TENM3: variants seen among roughly 807,000 people sequenced by gnomAD.
TENM3 encodes the protein teneurin-3.
TENM3 carries 63 observed loss-of-function variants against 255.1 expected under a neutral mutation model. That is an observed-to-expected ratio of 0.25 (90% CI 0.20 to 0.30). The LOEUF is 0.30. TENM3 is among the 10% of genes least tolerant of loss of function. TENM3 has a pLI of 1.00. For missense variants in TENM3, 2,929 were observed against 3,461.1 expected, an observed-to-expected ratio of 0.85 and a Z score of 3.86; for synonymous variants, 1,306 against 1,322.3, an observed-to-expected ratio of 0.99 and a Z score of 0.27.
At chr4:182,405,372 T>G (rs982742278) in intron 3 of TENM3, among the ~76,000 whole-genome samples, 1 of 152,182 alleles carries the variant, frequency 6.6e-6, no homozygotes, top group African/African-American at 2.4e-5. Context: ...CACTTTTCCT[T>G]TGTATACTGA....
chr4:182,249,631 C>T (rs972534316), intron 1 of TENM3, among the ~76,000 whole-genome samples: 10 of 152,268 alleles, frequency 6.6e-5, no homozygotes, highest in African/African-American at 2.4e-4. Flanking sequence ...CGTCCCCCCA[C>T]AGTGAGGGCA....
chr4:181,913,915 C>T, the TENM3 span, among the ~76,000 whole-genome samples: 2 of 152,192 alleles, frequency 1.3e-5, no homozygotes, highest in African/African-American at 4.8e-5. Context: ...GCTATTCACA[C>T]TTGAGCTTAG....
chr4:181,700,778 TAAA>T, the TENM3 span, among the ~76,000 whole-genome samples: 1 of 152,082 alleles, frequency 6.6e-6, no homozygotes, highest in Non-Finnish European at 1.5e-5. Flanking sequence ...CACAGGGGAA[TAAA>T]GAAGAAAGGT....
At chr4:181,465,977 A>G in the TENM3 span, among the ~76,000 whole-genome samples, 1 of 151,956 alleles carries the variant, frequency 6.6e-6, no homozygotes. Flanking sequence ...TTGACTCCAC[A>G]CTTTACCTTC....
intron 24 of TENM3, among the ~76,000 whole-genome samples, chr4:182,784,740 G>A (rs1321439045): frequency 5.9e-5 from 9 of 151,910 alleles, no homozygotes; most frequent in Non-Finnish European, 7.4e-5. Context: ...AGCCAGGTGC[G>A]GGATATAATC....
the TENM3 span, among the ~76,000 whole-genome samples, chr4:181,942,660 C>T: frequency 2.6e-5 from 4 of 152,028 alleles, no homozygotes; most frequent in Non-Finnish European, 2.9e-5. Flanking sequence ...AACACTACCC[C>T]GGGGATAAAA....
chr4:182,799,934 G>C lies in TENM3; in HGVS notation c.7683G>C (p.Thr2561=). ...KTTTPESDLG[T]LRLTSGRKAL... ...CCACGCCCGAGAGCGACCTGGGCAC[G>C]CTGCGGTTGACCAGCGGCCGCAAGG... The change falls in exon 28 of 28, where the codon ACG becomes ACC. Residue 2561 remains threonine, a synonymous_variant. Coordinates refer to ENST00000511685, the MANE Select transcript of TENM3 (RefSeq NM_001080477.4). This position sits in a 1 kb window ranked among gnomAD's most constrained non-coding sequence, Gnocchi z 4.2. The C allele has an allele frequency of 6.3e-7, 1 of 1,598,502 alleles. No individual in the cohort carries two copies. The highest frequency in any genetic ancestry group is 8.5e-7 in the Non-Finnish European group (1 of 1,172,956).
the TENM3 span, among the ~76,000 whole-genome samples, chr4:181,770,334 A>C: frequency 6.6e-6 from 1 of 152,188 alleles, no homozygotes; most frequent in Non-Finnish European, 1.5e-5. Context: ...GATGCAATTT[A>C]TTGTGGTAAG....
the TENM3 span, among the ~76,000 whole-genome samples, chr4:181,941,671 C>T: frequency 3.9e-5 from 6 of 152,064 alleles, no homozygotes; most frequent in African/African-American, 1.4e-4. Flanking sequence ...CTGATCACTC[C>T]CTCTCACTTG....
the TENM3 span, among the ~76,000 whole-genome samples, chr4:181,882,188 C>T: frequency 6.6e-6 from 1 of 152,126 alleles, no homozygotes; most frequent in Admixed American, 6.5e-5. Flanking sequence ...ATGAGGAAAA[C>T]CCTTTGTAGA....
chr4:181,646,558 A>G, the TENM3 span, among the ~76,000 whole-genome samples: 1 of 152,298 alleles, frequency 6.6e-6, no homozygotes, highest in Admixed American at 6.5e-5. Flanking sequence ...GAGAGAATTC[A>G]TATTTCTTGA....
the TENM3 span, among the ~76,000 whole-genome samples, chr4:182,138,456 C>T: frequency 2.4e-4 from 37 of 152,154 alleles, no homozygotes; most frequent in Middle Eastern, 3.2e-3. Flanking sequence ...ACAGGCTCTG[C>T]GCTTCAGTTG....
At chr4:182,768,634 G>C (rs893036757) in intron 22 of TENM3, among the ~76,000 whole-genome samples, 5 of 152,180 alleles carry the variant, frequency 3.3e-5, no homozygotes, top group Non-Finnish European at 2.9e-5. Context: ...ATTCTCAGCT[G>C]AGAATGACTG....
chr4:182,386,106 T>C (rs893320632), intron 3 of TENM3, among the ~76,000 whole-genome samples: 5 of 152,238 alleles, frequency 3.3e-5, no homozygotes, highest in African/African-American at 1.2e-4. Context: ...TGATCACAAG[T>C]TTCTATTTGG....
chr4:181,839,459 T>C, the TENM3 span, among the ~76,000 whole-genome samples: 1 of 146,276 alleles, frequency 6.8e-6, no homozygotes, highest in African/African-American at 2.5e-5. Flanking sequence ...GATATATATA[T>C]CTATATATAT....
chr4:181,711,682 A>C, the TENM3 span, among the ~76,000 whole-genome samples: 1 of 152,198 alleles, frequency 6.6e-6, no homozygotes, highest in African/African-American at 2.4e-5. Context: ...TCTTGCTCTC[A>C]TTAAGCTCAG....
intron 4 of TENM3, among the ~76,000 whole-genome samples, chr4:182,607,743 T>C (rs948216933): frequency 6.6e-6 from 1 of 152,194 alleles, no homozygotes; most frequent in African/African-American, 2.4e-5. Flanking sequence ...TTTGCTATAG[T>C]CCTTAAGTGA....
At chr4:181,517,290 A>T in the TENM3 span, among the ~76,000 whole-genome samples, 1 of 152,192 alleles carries the variant, frequency 6.6e-6, no homozygotes, top group Non-Finnish European at 1.5e-5. Flanking sequence ...CTCAATTTTC[A>T]GCCTCTGGAA....
the TENM3 span, among the ~76,000 whole-genome samples, chr4:181,595,718 C>T: frequency 1.3e-5 from 2 of 152,116 alleles, no homozygotes; most frequent in African/African-American, 4.8e-5. Flanking sequence ...CTGCTCTTTT[C>T]TCTTCTCTCA....
Sources: allele counts gnomAD v4.1 joint callset (sites outside exome capture counted in the v4.1 genomes callset), GRCh38; gene constraint gnomAD v4.1.1; non-coding constraint Gnocchi (gnomAD v3.1); transcripts MANE v1.5; gene names NCBI Gene and HGNC (gene_info 2026-07-23, HGNC 2026-07-21).